Variants in TEX9 observed in about 807,000 individuals in gnomAD.
TEX9 encodes testis-expressed protein 9.
TEX9 carries 74 observed loss-of-function variants against 59.6 expected under a neutral mutation model. The observed-to-expected ratio is 1.24, with a 90% CI of 1.03 to 1.51. TEX9 has a LOEUF of 1.51. Among genes scored for constraint, TEX9 ranks in the 40% most tolerant of loss-of-function variants. The pLI, the probability that TEX9 is intolerant of heterozygous loss-of-function variation, is 0.00. For missense variants in TEX9, 522 were observed against 447.8 expected (o/e 1.17, Z -1.49); for synonymous variants, 186 against 152.2 (o/e 1.22, Z -1.64).
chr15:56,379,666 T>C (rs1400227517), intron 3 of TEX9, among the ~76,000 whole-genome samples: 1 of 152,194 alleles, frequency 6.6e-6, no homozygotes, highest in East Asian at 1.9e-4. Flanking sequence ...TACTGTATTG[T>C]GGTCTAGCTC....
chr15:56,268,328 C>A (rs1245871899), intron 1 of TEX9, among the ~76,000 whole-genome samples: 1 of 152,118 alleles, frequency 6.6e-6, no homozygotes, highest in Non-Finnish European at 1.5e-5. Flanking sequence ...CTTTCTCTTG[C>A]CTGGTTGCCC....
At chr15:56,394,372 G>T in intron 8 of TEX9, 125 bp downstream of exon 8, 2 of 805,156 alleles carry the variant, frequency 2.5e-6, no homozygotes, top group Non-Finnish European at 3.8e-6. Flanking sequence ...TTCAAAAATT[G>T]TATATAAGTA....
At chr15:56,438,240 A>G (rs532172177) in intron 12 of TEX9, among the ~76,000 whole-genome samples, 1 of 152,306 alleles carries the variant, frequency 6.6e-6, no homozygotes, top group African/African-American at 2.4e-5. Flanking sequence ...AGTAACCAAA[A>G]CAGCATGGTA....
chr15:56,318,965 A>G (rs1219928986), intron 1 of TEX9, among the ~76,000 whole-genome samples: 1 of 152,174 alleles, frequency 6.6e-6, no homozygotes, highest in Non-Finnish European at 1.5e-5. Flanking sequence ...CCTGTACATA[A>G]CATGCCCACA....
At chr15:56,263,286 G>A (rs767526507) in intron 1 of TEX9, among the ~76,000 whole-genome samples, 4 of 152,178 alleles carry the variant, frequency 2.6e-5, no homozygotes, top group Admixed American at 6.5e-5. Context: ...GCCTCCCAAA[G>A]TTCTGGGATT....
At chr15:56,320,073 C>T (rs2045869236) in intron 1 of TEX9, among the ~76,000 whole-genome samples, 1 of 152,202 alleles carries the variant, frequency 6.6e-6, no homozygotes, top group Non-Finnish European at 1.5e-5. Context: ...GTATCTGATG[C>T]TACAGCTGCA....
chr15:56,418,471 CTT>C (rs564272339), intron 10 of TEX9, among the ~76,000 whole-genome samples: 1 of 142,956 alleles, frequency 7.0e-6, no homozygotes, highest in African/African-American at 2.6e-5. Context: ...TTCTTGAGGG[CTT>C]TTTTTTTTTC....
chr15:56,436,001 T>G (rs1171815718), intron 12 of TEX9, among the ~76,000 whole-genome samples: 1 of 151,982 alleles, frequency 6.6e-6, no homozygotes, highest in Non-Finnish European at 1.5e-5. Context: ...CAAAAATCAA[T>G]GTAATATACT....
intron 12 of TEX9, chr15:56,434,052 G>A (rs1195583585): frequency 1.4e-6 from 2 of 1,385,474 alleles, no homozygotes; most frequent in African/African-American, 2.9e-5. Context: ...GGCATATAAA[G>A]CTTCTCAGTA....
intron 1 of TEX9, among the ~76,000 whole-genome samples, chr15:56,336,348 C>G (rs539602589): frequency 4.6e-5 from 7 of 152,130 alleles, no homozygotes; most frequent in African/African-American, 1.4e-4. Flanking sequence ...AAGGGTGGTC[C>G]CTGCATAAAT....
At chr15:56,394,859 C>G (rs1035188288) in intron 9 of TEX9, 25 bp downstream of exon 9, 7 of 1,590,972 alleles carry the variant, frequency 4.4e-6, no homozygotes, top group Admixed American at 1.8e-5. Flanking sequence ...TTTTTCCTAA[C>G]TTAATGCCAC....
intron 1 of TEX9, among the ~76,000 whole-genome samples, chr15:56,333,795 G>C (rs2141788068): frequency 6.6e-6 from 1 of 152,160 alleles, no homozygotes; most frequent in East Asian, 1.9e-4. Context: ...TAACCAAAAA[G>C]CTATTAGAAA....
chr15:56,339,787 G>C (rs572204794), intron 1 of TEX9, among the ~76,000 whole-genome samples: 2 of 152,118 alleles, frequency 1.3e-5, no homozygotes, highest in Admixed American at 6.5e-5. Context: ...AATGGGATTA[G>C]TGCCCTTATA....
At chr15:56,441,137 C>CT (rs374118806) in intron 12 of TEX9, among the ~76,000 whole-genome samples, 1 of 151,964 alleles carries the variant, frequency 6.6e-6, no homozygotes, top group African/African-American at 2.4e-5. Flanking sequence ...ATTTATTCCC[C>CT]TTTTCTCATT....
the TEX9 span, among the ~76,000 whole-genome samples, chr15:56,452,202 C>T: frequency 3.3e-5 from 5 of 152,222 alleles, no homozygotes; most frequent in East Asian, 1.9e-4. Flanking sequence ...GTTATACTCA[C>T]GGCTATGACT....
intron 12 of TEX9, chr15:56,443,736 TTC>T (rs2050858702): frequency 6.2e-7 from 1 of 1,613,372 alleles, no homozygotes; most frequent in South Asian, 1.1e-5. Flanking sequence ...TCTATGATTT[TTC>T]TGTTTTCTTC....
At chr15:56,401,162 C>T (rs2048748427) in intron 9 of TEX9, among the ~76,000 whole-genome samples, 1 of 151,906 alleles carries the variant, frequency 6.6e-6, no homozygotes, top group Non-Finnish European at 1.5e-5. Flanking sequence ...AGGCTAAATG[C>T]CCCAATTAAA....
intron 9 of TEX9, among the ~76,000 whole-genome samples, chr15:56,404,354 A>G (rs2048962773): frequency 6.6e-6 from 1 of 152,242 alleles, no homozygotes; most frequent in Non-Finnish European, 1.5e-5. Context: ...AAAAGAAGAC[A>G]TTTATGCAGC....
At chr15:56,285,545 G>A (rs1242342159) in intron 1 of TEX9, among the ~76,000 whole-genome samples, 1 of 152,186 alleles carries the variant, frequency 6.6e-6, no homozygotes, top group Non-Finnish European at 1.5e-5. Flanking sequence ...TTACAGGAAT[G>A]ACAGAGCCTT....
Sources: allele counts gnomAD v4.1 joint callset (sites outside exome capture counted in the v4.1 genomes callset), GRCh38; gene constraint gnomAD v4.1.1; transcripts MANE v1.5; gene names NCBI Gene and HGNC (gene_info 2026-07-23, HGNC 2026-07-21).